UBXN2B: variants seen among roughly 807,000 people sequenced by gnomAD.
UBXN2B encodes UBX domain protein 2B.
UBXN2B carries 19 observed loss-of-function variants against 37.5 expected under a neutral mutation model. The ratio of observed to expected loss-of-function variants is 0.51; its 90% CI spans 0.35 to 0.74. The LOEUF is 0.74. UBXN2B is among the 30% of genes least tolerant of loss of function. UBXN2B has a pLI of 0.01. For missense variants in UBXN2B, 370 were observed against 393.2 expected, an observed-to-expected ratio of 0.94 and a Z score of 0.50; for synonymous variants, 145 against 143.8, an observed-to-expected ratio of 1.01 and a Z score of -0.06.
rs181422276 is a variant in UBXN2B at position 58,443,323 on chromosome 8, C to T, written c.672-2584C>T. ...TCTCCTGTCTCTGAGGGAATTACAA[C>T]CTACATCCTTTCCTGCCATTTGCCT... On this transcript the variant is annotated intron_variant, in intron 6 of 7. Coordinates refer to ENST00000399598, the MANE Select transcript of UBXN2B (RefSeq NM_001077619.2). Among the ~76,000 whole-genome samples, 154 of 152,282 alleles carry T rather than the reference C, an allele frequency of 1.0e-3. 1 individual carries two copies. The highest frequency in any genetic ancestry group is 3.4e-3 in the Middle Eastern group (1 of 294).
chr8:58,429,107 C>G (rs890493343), intron 2 of UBXN2B, among the ~76,000 whole-genome samples: 5 of 152,034 alleles, frequency 3.3e-5, no homozygotes, highest in South Asian at 4.2e-4. Context: ...TTGCTATGAC[C>G]GATTTTTGCG....
rs1295360880 is a variant in UBXN2B at position 58,448,770 on chromosome 8, TC to T, written c.*1221del. The T allele has an allele frequency of 1.3e-5, 2 of 152,606 alleles. No individual in the cohort carries two copies. Among genetic ancestry groups the T allele is most frequent in the African/African-American group, 4.8e-5 (2 of 41,446 alleles). 9.5% of individuals were successfully genotyped at this position (152,606 alleles called of 1,614,324 possible). ...GCTGAAGCCAGAAGCTTTTCCTTCT[TC>T]CTAGACACCATTTCATCCTTAATTA... On this transcript the variant is annotated 3_prime_UTR_variant, in exon 8 of 8. Coordinates refer to ENST00000399598, the MANE Select transcript of UBXN2B (RefSeq NM_001077619.2).
At position 58,448,579 on chromosome 8, in the gene UBXN2B, A is replaced by G. The variant is rs1408435101; in HGVS notation, c.*1028A>G. ...TTGCGTTGATCACATTCATTTATTC[A>G]TTCAACACATTTTTCTAGGAAACTC... On this transcript the variant is annotated 3_prime_UTR_variant, in exon 8 of 8. Coordinates refer to ENST00000399598, the MANE Select transcript of UBXN2B (RefSeq NM_001077619.2). 1 of 145,260 alleles carries G rather than the reference A, an allele frequency of 6.9e-6. No individual in the cohort carries two copies. Among genetic ancestry groups the G allele is most frequent in the Non-Finnish European group, 1.5e-5 (1 of 65,126 alleles). The allele number at this position is 145,260 out of a possible 1,614,324, so 9.0% of individuals were successfully genotyped here. A position where few individuals can be genotyped will look rare whatever the true frequency, so the allele number is the denominator to read the frequency against.
At position 58,449,593 on chromosome 8, in the gene UBXN2B, A is replaced by G. The variant is rs1808758451; in HGVS notation, c.*2042A>G. 1 of 152,234 alleles carries G rather than the reference A, an allele frequency of 6.6e-6. No homozygotes were observed. Among genetic ancestry groups the G allele is most frequent in the Admixed American group, 6.5e-5 (1 of 15,282 alleles). 9.4% of individuals were successfully genotyped at this position (152,234 alleles called of 1,614,324 possible). ...AGTATGATGGCATGACAGGCAGACA[A>G]TAATAGTTACACACGTTCCTGTTCA... is the stretch of plus-strand genomic sequence containing the variant. On this transcript the variant is annotated 3_prime_UTR_variant, in exon 8 of 8. Coordinates refer to ENST00000399598, the MANE Select transcript of UBXN2B (RefSeq NM_001077619.2).
At chr8:58,433,317 A>G in intron 4 of UBXN2B, 74 bp downstream of exon 4, 1 of 1,195,140 alleles carries the variant, frequency 8.4e-7, no homozygotes, top group Non-Finnish European at 1.2e-6. Flanking sequence ...TTTAAAATTA[A>G]GAATTGATAA....
rs1481238075 is a variant in UBXN2B at position 58,450,670 on chromosome 8, T to C, written c.*3119T>C. 1 of 152,270 alleles carries C rather than the reference T, an allele frequency of 6.6e-6. No homozygotes were observed. The highest frequency in any genetic ancestry group is 1.9e-4 in the East Asian group (1 of 5,200). The allele number at this position is 152,270 out of a possible 1,614,324, so 9.4% of individuals were successfully genotyped here. ...CTGCCCAATTCCAGAGCCACTTTTC[T>C]ACTTTTAGGTATTTGTTACAGCAGC... On this transcript the variant is annotated 3_prime_UTR_variant, in exon 8 of 8. Coordinates refer to ENST00000399598, the MANE Select transcript of UBXN2B (RefSeq NM_001077619.2).
At chr8:58,423,456 C>T (rs1233422051) in intron 2 of UBXN2B, among the ~76,000 whole-genome samples, 3 of 146,680 alleles carry the variant, frequency 2.0e-5, no homozygotes, top group African/African-American at 7.5e-5. Flanking sequence ...TTTTTTTTGA[C>T]ACGGAGTCTT....
At chr8:58,417,189 A>C (rs754133195) in intron 2 of UBXN2B, among the ~76,000 whole-genome samples, 9 of 152,186 alleles carry the variant, frequency 5.9e-5, no homozygotes, top group Non-Finnish European at 1.2e-4. Flanking sequence ...TTACCTTAAA[A>C]TACCTAATAT....
chr8:58,439,836 G>T, intron 6 of UBXN2B, 66 bp downstream of exon 6: 1 of 1,526,038 alleles, frequency 6.6e-7, no homozygotes, highest in Non-Finnish European at 8.8e-7. Context: ...AATAAGAAAA[G>T]CAAAATGACC....
At chr8:58,431,847 A>G (rs979125410) in intron 3 of UBXN2B, among the ~76,000 whole-genome samples, 1 of 152,212 alleles carries the variant, frequency 6.6e-6, no homozygotes, top group Non-Finnish European at 1.5e-5. Flanking sequence ...GCTAGTGATG[A>G]ACATCGTTTC....
At chr8:58,436,676 T>G (rs1215494621) in intron 5 of UBXN2B, among the ~76,000 whole-genome samples, 1 of 152,084 alleles carries the variant, frequency 6.6e-6, no homozygotes, top group Admixed American at 6.6e-5. Context: ...AATGAATGAG[T>G]TCTTCTTCTG....
At chr8:58,417,198 A>G (rs1269546244) in intron 2 of UBXN2B, among the ~76,000 whole-genome samples, 1 of 152,146 alleles carries the variant, frequency 6.6e-6, no homozygotes, top group African/African-American at 2.4e-5. Context: ...AATACCTAAT[A>G]TTTTGGTAGA....
At chr8:58,424,612 C>G in intron 2 of UBXN2B, 1 of 1,175,050 alleles carries the variant, frequency 8.5e-7, no homozygotes, top group Non-Finnish European at 1.3e-6. Context: ...TCTGCTGTTG[C>G]ATCAGGCCCA....
chr8:58,439,214 G>A (rs576831320), intron 5 of UBXN2B, among the ~76,000 whole-genome samples: 151 of 152,098 alleles, frequency 9.9e-4, no homozygotes, highest in Non-Finnish European at 1.9e-3. Flanking sequence ...TTTCCTTATA[G>A]CAATGCAAAT....
At chr8:58,427,307 C>CA (rs1311061904) in intron 2 of UBXN2B, among the ~76,000 whole-genome samples, 1 of 152,050 alleles carries the variant, frequency 6.6e-6, no homozygotes, top group African/African-American at 2.4e-5. Flanking sequence ...CCCATCTCTA[C>CA]AAAAAAATAG....
rs1363819999 is a variant in UBXN2B at position 58,448,684 on chromosome 8, A to C, written c.*1133A>C. 1 of 152,578 alleles carries C rather than the reference A, an allele frequency of 6.6e-6. No homozygotes were observed. The highest frequency in any genetic ancestry group is 2.4e-5 in the African/African-American group (1 of 41,436). The allele number at this position is 152,578 out of a possible 1,614,324, so 9.5% of individuals were successfully genotyped here. ...ACAAGACTAGTGTAGAAATACAGGA[A>C]TGTAAATTCTGTCAGACGGACTAGA... On this transcript the variant is annotated 3_prime_UTR_variant, in exon 8 of 8. Coordinates refer to ENST00000399598, the MANE Select transcript of UBXN2B (RefSeq NM_001077619.2).
chr8:58,439,828 T>A, intron 6 of UBXN2B, 58 bp downstream of exon 6: 1 of 1,542,340 alleles, frequency 6.5e-7, no homozygotes, highest in Admixed American at 2.2e-5. Context: ...TCTTTGAGAA[T>A]AAGAAAAGCA....
chr8:58,434,506 T>C lies in UBXN2B; in HGVS notation c.533+2T>C, dbSNP rs766713981. ...ATTTCTGGAGTCTGTTAAGAGAGGG[T>C]AAGATGTATTATTTGTATTCTATTT... On this transcript the variant is annotated splice_donor_variant, in intron 5 of 7. Transcript: ENST00000399598. LOFTEE classifies it high-confidence loss of function. The C allele has an allele frequency of 6.6e-7, 1 of 1,525,252 alleles. No homozygotes were observed. The highest frequency in any genetic ancestry group is 1.3e-5 in the South Asian group (1 of 77,052). The allele number at this position is 1,525,252 out of a possible 1,614,324, so 94.5% of individuals were successfully genotyped here. A position where few individuals can be genotyped will look rare whatever the true frequency, so the allele number is the denominator to read the frequency against.
chr8:58,431,809 A>G (rs1196757795), intron 3 of UBXN2B, among the ~76,000 whole-genome samples: 1 of 152,180 alleles, frequency 6.6e-6, no homozygotes, highest in African/African-American at 2.4e-5. Context: ...TCTAATAACT[A>G]ATGATGTTAA....
Sources: gnomAD v4.1 joint callset for allele counts (sites outside exome capture counted in the v4.1 genomes callset) on GRCh38, gnomAD v4.1.1 for gene constraint, MANE v1.5 for transcripts, NCBI Gene and HGNC (gene_info 2026-07-23, HGNC 2026-07-21) for gene names.